RFX3: variants seen among roughly 807,000 people sequenced by gnomAD.
RFX3 encodes regulatory factor X3.
In RFX3, 14 loss-of-function variants were observed where a neutral mutation model predicts 98.6. That is an observed-to-expected ratio of 0.14 (90% CI 0.09 to 0.22). The LOEUF (loss-of-function observed/expected upper bound fraction) is 0.22. Among genes scored for constraint, RFX3 ranks in the 10% least tolerant of loss-of-function variants. The probability of loss-of-function intolerance (pLI) is 1.00; values close to 1 mark genes in which losing one functional copy is unlikely to be tolerated. For synonymous variants in RFX3, 383 were observed against 328.4 expected, an observed-to-expected ratio of 1.17 and a Z score of -1.80; for missense variants, 639 against 926.9, an observed-to-expected ratio of 0.69 and a Z score of 4.03.
chr9:3,481,595 T>C (rs1252128292), intron 1 of RFX3, among the ~76,000 whole-genome samples: 4 of 151,580 alleles, frequency 2.6e-5, no homozygotes, highest in Non-Finnish European at 5.9e-5. Context: ...AAAAATTACA[T>C]ACAAAAATCA....
At chr9:3,448,789 G>A (rs1397023020) in intron 1 of RFX3, among the ~76,000 whole-genome samples, 1 of 152,012 alleles carries the variant, frequency 6.6e-6, no homozygotes, top group East Asian at 1.9e-4. Flanking sequence ...CAAAGCACTG[G>A]GTTTGCAAGT....
chr9:3,420,649 A>C (rs1380104078), intron 1 of RFX3: 1 of 301,224 alleles, frequency 3.3e-6, no homozygotes, highest in Non-Finnish European at 4.9e-6. Context: ...GCATCACCGT[A>C]TCCCACATAG....
intron 7 of RFX3, among the ~76,000 whole-genome samples, chr9:3,280,655 T>C (rs945230418): frequency 6.6e-6 from 1 of 151,838 alleles, no homozygotes; most frequent in Non-Finnish European, 1.5e-5. Context: ...TTGTAGATTA[T>C]ATATCACTGC....
intron 1 of RFX3, among the ~76,000 whole-genome samples, chr9:3,466,817 A>C (rs1412581033): frequency 6.6e-6 from 1 of 151,890 alleles, no homozygotes; most frequent in Non-Finnish European, 1.5e-5. Flanking sequence ...ACATTTTATA[A>C]GTTTCTATCC....
At chr9:3,477,288 C>G (rs1587808513) in intron 1 of RFX3, among the ~76,000 whole-genome samples, 1 of 152,270 alleles carries the variant, frequency 6.6e-6, no homozygotes, top group East Asian at 1.9e-4. Context: ...TTTAACCATT[C>G]CTCTTTATTT....
chr9:3,509,289 T>C (rs1398552339), intron 1 of RFX3, among the ~76,000 whole-genome samples: 2 of 152,002 alleles, frequency 1.3e-5, no homozygotes, highest in Non-Finnish European at 1.5e-5. Context: ...ATTTTACTTT[T>C]GTTCCACAAA....
At chr9:3,303,809 G>T (rs189433303) in intron 4 of RFX3, among the ~76,000 whole-genome samples, 1 of 152,056 alleles carries the variant, frequency 6.6e-6, no homozygotes, top group East Asian at 1.9e-4. Flanking sequence ...GGAAATATGT[G>T]GGTGAAAATG....
chr9:3,247,665 T>G, intron 15 of RFX3: 1 of 1,437,824 alleles, frequency 7.0e-7, no homozygotes, highest in Non-Finnish European at 9.1e-7. Context: ...ACAAAATACA[T>G]ATTTAATCCT....
At chr9:3,403,832 CAG>C (rs1429832276) in intron 1 of RFX3, among the ~76,000 whole-genome samples, 2 of 152,230 alleles carry the variant, frequency 1.3e-5, no homozygotes, top group South Asian at 2.1e-4. Context: ...CTGCACCAAA[CAG>C]AGTTTCCTTT....
intron 2 of RFX3, among the ~76,000 whole-genome samples, chr9:3,390,780 G>T (rs1840234542): frequency 6.6e-6 from 1 of 152,082 alleles, no homozygotes. Context: ...TGCCATGATT[G>T]TGAGGCCTCC....
At chr9:3,318,358 T>C (rs1198913082) in intron 4 of RFX3, among the ~76,000 whole-genome samples, 3 of 151,830 alleles carry the variant, frequency 2.0e-5, no homozygotes, top group Non-Finnish European at 4.4e-5. Flanking sequence ...AACATCACAC[T>C]CCGGGCACTG....
chr9:3,334,718 A>C (rs1272823422), intron 3 of RFX3, among the ~76,000 whole-genome samples: 1 of 152,142 alleles, frequency 6.6e-6, no homozygotes, highest in African/African-American at 2.4e-5. Context: ...TATATTAAGG[A>C]ATGAAGTGTG....
chr9:3,392,322 A>G (rs1840398523), intron 2 of RFX3, among the ~76,000 whole-genome samples: 1 of 151,478 alleles, frequency 6.6e-6, no homozygotes, highest in Non-Finnish European at 1.5e-5. Flanking sequence ...TGTAAAGAGA[A>G]AAAAAATTTC....
Position 3,508,590 on chromosome 9 carries a change from T to A in RFX3, c.-9+17157A>T, listed in dbSNP as rs138198037. Among the ~76,000 whole-genome samples the A allele has an allele frequency of 3.4e-4, 51 of 152,080 alleles. No individual in the cohort carries two copies. The East Asian group carries it at 9.1e-3, about 27-fold the overall frequency. On this transcript the variant is annotated intron_variant, in intron 1 of 16. Coordinates refer to ENST00000617270, the MANE Select transcript of RFX3 (RefSeq NM_001282116.2). ...AATGCAAGAGCTAACTAATATTTCA[T>A]CATACTTTCGTTTATTACATCTCCC...
At chr9:3,244,418 T>G (rs891178336) in intron 15 of RFX3, among the ~76,000 whole-genome samples, 20 of 152,340 alleles carry the variant, frequency 1.3e-4, no homozygotes, top group African/African-American at 4.3e-4. Context: ...ACACAACTGC[T>G]ATGTAGGTGT....
intron 5 of RFX3, among the ~76,000 whole-genome samples, chr9:3,298,721 G>A (rs1478566248): frequency 6.6e-6 from 1 of 151,946 alleles, no homozygotes; most frequent in East Asian, 1.9e-4. Flanking sequence ...CTTCTAAAGT[G>A]TGGAAAGGTG....
chr9:3,353,203 A>T (rs1228408739), intron 2 of RFX3, among the ~76,000 whole-genome samples: 5 of 66,808 alleles, frequency 7.5e-5, no homozygotes, highest in East Asian at 4.3e-4. Flanking sequence ...GTTGTGGGGT[A>T]GGGGGAGGGG....
chr9:3,511,742 G>T (rs570483895), intron 1 of RFX3, among the ~76,000 whole-genome samples: 1 of 152,080 alleles, frequency 6.6e-6, no homozygotes, highest in South Asian at 2.1e-4. Flanking sequence ...TTCAACACAG[G>T]TTTCTTCAAA....
intron 1 of RFX3, among the ~76,000 whole-genome samples, chr9:3,409,780 C>T (rs555782365): frequency 2.0e-5 from 3 of 152,260 alleles, no homozygotes; most frequent in South Asian, 4.1e-4. Flanking sequence ...AATTGGCCTG[C>T]TTCCCAAAAT....
Sources: gnomAD v4.1 joint callset for allele counts (sites outside exome capture counted in the v4.1 genomes callset) on GRCh38, gnomAD v4.1.1 for gene constraint, MANE v1.5 for transcripts, NCBI Gene and HGNC (gene_info 2026-07-23, HGNC 2026-07-21) for gene names.